The following EFCAB5 variants were observed in gnomAD, a reference collection of about 807,000 sequenced individuals.
EFCAB5 encodes the protein EF-hand calcium-binding domain-containing protein 5.
Under a neutral mutation model 167.9 loss-of-function variants are expected in EFCAB5, and 131 were observed. That is an observed-to-expected ratio of 0.78 (90% CI 0.68 to 0.90). The LOEUF (loss-of-function observed/expected upper bound fraction) is 0.90, where lower values mean the gene tolerates loss of function less well. Ranked by LOEUF, EFCAB5 falls within the 40% of genes least tolerant of loss-of-function variation. The pLI is 0.00. For synonymous variants in EFCAB5, 574 were observed against 602.8 expected (o/e 0.95, Z 0.70); for missense variants, 1,663 against 1,745.2 (o/e 0.95, Z 0.84).
At chr17:30,049,502 C>CAA (rs2070024851) in intron 8 of EFCAB5, among the ~76,000 whole-genome samples, 1 of 148,604 alleles carries the variant, frequency 6.7e-6, no homozygotes, top group African/African-American at 2.5e-5. Flanking sequence ...AAAACAAAAA[C>CAA]AAACAAAAAA....
intron 8 of EFCAB5, 87 bp from the exon 9 acceptor site, chr17:30,051,031 A>G: frequency 2.0e-6 from 2 of 1,016,140 alleles, no homozygotes; most frequent in Non-Finnish European, 3.0e-6. Flanking sequence ...GATAGTGATG[A>G]TAAAAGCTTC....
intron 3 of EFCAB5, among the ~76,000 whole-genome samples, chr17:29,963,202 A>G (rs895709021): frequency 9.9e-5 from 15 of 152,138 alleles, no homozygotes; most frequent in Non-Finnish European, 2.1e-4. Flanking sequence ...TCAGCCTCCT[A>G]AAGTGCTGGG....
chr17:30,097,040 ATACATATACATATATATATATTT>A (rs1567777383), intron 22 of EFCAB5, among the ~76,000 whole-genome samples: 2,485 of 106,450 alleles, frequency 0.023, 118 homozygotes, highest in African/African-American at 0.1. Flanking sequence ...ACATATACAT[ATACATATACATATATATATATTT>A]TTTTTTTTTT....
Position 30,078,486 on chromosome 17 carries a change from C to T in EFCAB5, c.3009C>T (p.Thr1003=), listed in dbSNP as rs144428075. 5 of 1,597,156 alleles carry T rather than the reference C, an allele frequency of 3.1e-6. No individual in the cohort carries two copies. In the African/African-American group the frequency reaches 4.0e-5, roughly 13 times the overall value. ...GVSLEPVYSE[T]FKALMQDAEA... ...CCCTAGAGCCGGTGTATAGTGAGAC[C>T]TTTAAGGCCCTCATGCAGGTACGTT... Residue 1003 remains threonine (T), a synonymous_variant, in exon 15 of 23, where the codon ACC becomes ACT. Transcript: ENST00000394835.
At chr17:30,037,927 TAGA>T (rs1329684738) in intron 8 of EFCAB5, among the ~76,000 whole-genome samples, 3 of 152,052 alleles carry the variant, frequency 2.0e-5, no homozygotes, top group Non-Finnish European at 2.9e-5. Flanking sequence ...TTAATAACCC[TAGA>T]AAGGGTTATT....
intron 3 of EFCAB5, among the ~76,000 whole-genome samples, chr17:29,963,384 A>G (rs546306424): frequency 8.4e-4 from 128 of 152,270 alleles, no homozygotes; most frequent in Non-Finnish European, 1.5e-3. Flanking sequence ...CCACCTTTGC[A>G]TTCCTGAGAT....
chr17:30,053,800 C>T lies in EFCAB5; in HGVS notation c.1846C>T (p.Gln616Ter), dbSNP rs1304789383. Residue 616 changes from glutamine to a stop codon, truncating the protein, a stop_gained, in exon 10 of 23, where the codon CAA becomes TAA. Transcript: ENST00000394835. LOFTEE classifies it high-confidence loss of function. ...GTCACGCAGAGAGTCTATTGCAGAA[C>T]AAGATCGACACAAAGGGTCAGTAGC... Reference protein sequence around the residue: ...QGSRRESIAEQDRHKGSVAEQ... With the variant: ...QGSRRESIAE The T allele has an allele frequency of 3.7e-6, 6 of 1,613,764 alleles. 1 individual carries two copies. The highest frequency in any genetic ancestry group is 4.2e-6 in the Non-Finnish European group (5 of 1,179,858).
chr17:30,019,692 C>A (rs2069128939), intron 7 of EFCAB5, among the ~76,000 whole-genome samples: 1 of 152,100 alleles, frequency 6.6e-6, no homozygotes, highest in South Asian at 2.1e-4. Flanking sequence ...GTGATCCACA[C>A]ACCTCGGCCT....
intron 14 of EFCAB5, among the ~76,000 whole-genome samples, chr17:30,072,081 G>T (rs1309217839): frequency 6.6e-6 from 1 of 152,160 alleles, no homozygotes; most frequent in Non-Finnish European, 1.5e-5. Flanking sequence ...GTGTTCTATA[G>T]CACTGTAGAG....
intron 15 of EFCAB5, among the ~76,000 whole-genome samples, chr17:30,079,443 T>C (rs1204614219): frequency 6.6e-6 from 1 of 152,166 alleles, no homozygotes; most frequent in Non-Finnish European, 1.5e-5. Context: ...ATGTCCCCAA[T>C]TTATGGATAT....
intron 14 of EFCAB5, among the ~76,000 whole-genome samples, chr17:30,060,783 A>T (rs999812902): frequency 7.9e-5 from 12 of 152,362 alleles, no homozygotes; most frequent in Admixed American, 2.6e-4. Flanking sequence ...TGTGATTTTC[A>T]CTTATCAAAT....
At chr17:29,994,525 T>C (rs1161213558) in intron 5 of EFCAB5, among the ~76,000 whole-genome samples, 1 of 152,128 alleles carries the variant, frequency 6.6e-6, no homozygotes, top group Non-Finnish European at 1.5e-5. Flanking sequence ...AATAACTTTA[T>C]ATACCCTTAA....
chr17:29,941,937 A>G (rs566178607), intron 1 of EFCAB5, 99 bp downstream of exon 1: 3 of 1,258,458 alleles, frequency 2.4e-6, no homozygotes, highest in South Asian at 2.7e-5. Context: ...TCATTTAATT[A>G]TTTCTCTTTT....
intron 16 of EFCAB5, 123 bp downstream of exon 16, chr17:30,080,364 C>T: frequency 1.5e-5 from 16 of 1,045,370 alleles, no homozygotes; most frequent in Non-Finnish European, 2.1e-5. Context: ...ACCAGTGCTT[C>T]TGGAGTAGAA....
intron 4 of EFCAB5, among the ~76,000 whole-genome samples, chr17:29,990,042 T>C (rs560698971): frequency 1.3e-5 from 2 of 152,256 alleles, no homozygotes; most frequent in Non-Finnish European, 2.9e-5. Context: ...GTGCTCCCCA[T>C]TGTGGTAATA....
chr17:29,947,130 C>T (rs958577035), intron 3 of EFCAB5, among the ~76,000 whole-genome samples: 4 of 149,170 alleles, frequency 2.7e-5, no homozygotes, highest in East Asian at 2.0e-4. Flanking sequence ...GCTGAGATCA[C>T]GCCACTGCAC....
chr17:29,967,401 AC>A (rs1310658405), intron 3 of EFCAB5, among the ~76,000 whole-genome samples: 5 of 152,070 alleles, frequency 3.3e-5, no homozygotes, highest in African/African-American at 1.2e-4. Context: ...GCAGGGGAAA[AC>A]CCTTCTGGTG....
chr17:30,097,119 C>A (rs926324869), intron 22 of EFCAB5, among the ~76,000 whole-genome samples: 2 of 150,250 alleles, frequency 1.3e-5, no homozygotes, highest in Non-Finnish European at 3.0e-5. Flanking sequence ...TGCAGTGGCG[C>A]GATCTCGGCT....
rs2067302125 is a variant in EFCAB5 at position 29,941,836 on chromosome 17, C to G, written c.40C>G (p.Gln14Glu). 1.2e-6 allele frequency: 2 copies of G among 1,603,306 alleles called. No individual in the cohort carries two copies. The highest frequency in any genetic ancestry group is 4.5e-5 in the East Asian group (2 of 44,678). ...ATCTCAAGAGGAACTCAGACCTGCTCAGGTTCTTGTCCTACATAGGTTTAT... is the reference window on the plus strand; with the variant it reads ...ATCTCAAGAGGAACTCAGACCTGCTGAGGTTCTTGTCCTACATAGGTTTAT... ...SASQEELRPAQENRKEDKERK... is the reference protein window; with the variant it reads ...SASQEELRPAEENRKEDKERK... Residue 14 changes from glutamine to glutamate, a missense_variant and splice_region_variant, in exon 1 of 23, where the codon CAG becomes GAG. Physicochemically the swap from Gln to Glu is conservative, Grantham distance 29. Transcript: ENST00000394835.
Sources: allele counts gnomAD v4.1 joint callset (sites outside exome capture counted in the v4.1 genomes callset), GRCh38; gene constraint gnomAD v4.1.1; transcripts MANE v1.5; gene names NCBI Gene and HGNC (gene_info 2026-07-23, HGNC 2026-07-21).